The following DACT1 variants were observed in gnomAD, a reference collection of about 807,000 sequenced individuals.
DACT1 encodes dapper homolog 1.
A neutral mutation model predicts 35.3 loss-of-function variants in DACT1; 19 were observed. That is an observed-to-expected ratio of 0.54 (90% confidence interval 0.38 to 0.79). The LOEUF (loss-of-function observed/expected upper bound fraction) is 0.79. DACT1 is among the 30% of genes least tolerant of loss of function. DACT1 has a pLI of 0.00. For missense variants in DACT1, 1,143 were observed against 1,057.5 expected, an observed-to-expected ratio of 1.08 and a Z score of -1.12; for synonymous variants, 545 against 466.7, an observed-to-expected ratio of 1.17 and a Z score of -2.16.
chr14:58,645,802 G>T lies in DACT1; in HGVS notation c.1068G>T (p.Lys356Asn). The T allele has an allele frequency of 6.2e-7, 1 of 1,614,162 alleles. No homozygotes were observed. The highest frequency in any genetic ancestry group is 8.5e-7 in the Non-Finnish European group (1 of 1,179,950). Residue 356 changes from lysine (K) to asparagine (N), a missense_variant, in exon 4 of 4, where the codon AAG (lysine) becomes AAT (asparagine). Physicochemically the swap from Lys to Asn is moderately conservative, Grantham distance 94 (BLOSUM62 0). Transcript: ENST00000395153. ...GVSQGNSVNL[K>N]NSKQACLPSG... ...CACAGGGCAACAGTGTGAACCTTAA[G>T]AATTCGAAACAGGCGTGTCTGCCCT... is the stretch of plus-strand genomic sequence containing the variant.
rs1404579380 is a variant in DACT1 at position 58,645,547 on chromosome 14, A to C, written c.813A>C (p.Gly271=). The change falls in exon 4 of 4, where the codon GGA becomes GGC. Residue 271 remains glycine, a synonymous_variant. Coordinates refer to ENST00000395153, the MANE Select transcript of DACT1 (RefSeq NM_001079520.2). ...ACCATGCCAGTGACATTTGCGGTGGATCTGAGCTAGATGCCGTCAAAACAG... is the reference window on the plus strand; with the variant it reads ...ACCATGCCAGTGACATTTGCGGTGGCTCTGAGCTAGATGCCGTCAAAACAG... ...LGNHASDICG[G]SELDAVKTDS... is the part of the protein sequence containing the mutation. 4.3e-6 allele frequency: 7 copies of C among 1,614,184 alleles called. No individual in the cohort carries two copies. Among genetic ancestry groups the C allele is most frequent in the Non-Finnish European group, 5.9e-6 (7 of 1,180,028 alleles).
chr14:58,636,526 A>G (rs1190208847), upstream of DACT1, among the ~76,000 whole-genome samples: 1 of 152,166 alleles, frequency 6.6e-6, no homozygotes, highest in African/African-American at 2.4e-5. Flanking sequence ...ATAACCATAC[A>G]GGTAGCATGG....
chr14:58,648,100 T>G lies in DACT1; in HGVS notation c.*966T>G, dbSNP rs1257043903. ...AGAAAAAATTTTTGGTAAACAGTAT[T>G]GTGTAAAATTGCTTTTTGTATACCA... On this transcript the variant is annotated 3_prime_UTR_variant, in exon 4 of 4. Transcript: ENST00000395153. The G allele has an allele frequency of 6.0e-6, 1 of 167,080 alleles. No individual in the cohort carries two copies. Among genetic ancestry groups the G allele is most frequent in the East Asian group, 1.9e-4 (1 of 5,206 alleles). The allele number at this position is 167,080 out of a possible 1,614,324, so 10.3% of individuals were successfully genotyped here. A position where few individuals can be genotyped will look rare whatever the true frequency, so the allele number is the denominator to read the frequency against.
At chr14:58,645,110 C>T in intron 3 of DACT1, 1 of 665,110 alleles carries the variant, frequency 1.5e-6, no homozygotes, top group Non-Finnish European at 2.6e-6. Context: ...CATCCAGTAG[C>T]AGTACCTACA....
Position 58,645,351 on chromosome 14 carries a change from C to A in DACT1, c.635-18C>A, listed in dbSNP as rs757645667. 1.2e-6 allele frequency: 2 copies of A among 1,614,206 alleles called. No homozygotes were observed. The highest frequency in any genetic ancestry group is 1.1e-5 in the South Asian group (1 of 91,084). ...TCCCTCTCCACACCACAATTTAATT[C>A]CCTTGATGTCATTGCAGATGTGAAT... On this transcript the variant is annotated intron_variant, in intron 3 of 3. Coordinates refer to ENST00000395153, the MANE Select transcript of DACT1 (RefSeq NM_001079520.2).
Position 58,646,504 on chromosome 14 carries a change from C to T in DACT1, c.1770C>T (p.Ala590=). 1.3e-6 allele frequency: 2 copies of T among 1,560,232 alleles called. No individual in the cohort carries two copies. The highest frequency in any genetic ancestry group is 2.1e-5 in the Admixed American group (1 of 47,304). The change falls in exon 4 of 4, where the codon GCC becomes GCT. Residue 590 remains alanine (A), a synonymous_variant. Transcript: ENST00000395153. The part of the protein sequence containing the change: ...DLDTNKKLKK[A]SSKGRKSGGG... ...ATACAAATAAGAAACTCAAGAAAGC[C>T]TCCTCCAAGGGGAGGAAGAGTGGGG...
intron 2 of DACT1, 38 bp downstream of exon 2, chr14:58,640,906 T>TGAGTTGTATC: frequency 6.2e-7 from 1 of 1,612,202 alleles, no homozygotes; most frequent in Non-Finnish European, 8.5e-7. Context: ...TCTGCACTCT[T>TGAGTTGTATC]GAGTTGTATC....
rs1399599721 is a variant in DACT1, at chr14:58,645,988, G to A, written c.1254G>A (p.Thr418=). 6.2e-7 allele frequency: 1 copy of A among 1,613,790 alleles called. No individual in the cohort carries two copies. The highest frequency in any genetic ancestry group is 1.3e-5 in the African/African-American group (1 of 74,944). ...SDLQSKHLPK[T]AKPASQEHAR... ...TTCAGAGTAAGCACCTGCCAAAAAC[G>A]GCCAAGCCAGCCTCGCAAGAACATG... Residue 418 remains threonine, a synonymous_variant, in exon 4 of 4, where the codon ACG becomes ACA. Transcript: ENST00000395153.
upstream of DACT1, among the ~76,000 whole-genome samples, chr14:58,637,347 A>G (rs1399309219): frequency 6.6e-6 from 1 of 152,276 alleles, no homozygotes; most frequent in Non-Finnish European, 1.5e-5. Flanking sequence ...GACCGACGTT[A>G]AAAAATTAAA....
In DACT1 at chr14:58,641,742, C is replaced by G; in HGVS notation, c.629C>G (p.Ser210Cys). Residue 210 changes from serine (S) to cysteine (C), a missense_variant, in exon 3 of 4, where the codon TCT (serine) becomes TGT (cysteine). By Grantham distance (112) the Ser-to-Cys change is moderately radical. This residue lies in a region of DACT1 where 1,054 missense variants were observed against 958.8 expected (regional missense o/e 1.10). Transcript: ENST00000395153. ...TLSLSDGCPK[S>C]ADVNPKYQCD... ...AGTCTCTCAGATGGTTGCCCCAAATCTGCAGGTAAGAATTTTTAGCACTGA... is the reference window on the plus strand; with the variant it reads ...AGTCTCTCAGATGGTTGCCCCAAATGTGCAGGTAAGAATTTTTAGCACTGA... The G allele has an allele frequency of 6.2e-7, 1 of 1,612,914 alleles. No homozygotes were observed. The highest frequency in any genetic ancestry group is 8.5e-7 in the Non-Finnish European group (1 of 1,179,756).
Position 58,641,717 on chromosome 14 carries a change from A to G in DACT1, c.604A>G (p.Ser202Gly). Residue 202 changes from serine (S) to glycine (G), a missense_variant, in exon 3 of 4, where the codon AGT (serine) becomes GGT (glycine). Ser to Gly is a moderately conservative substitution (Grantham distance 56). This residue lies in a region of DACT1 where 1,054 missense variants were observed against 958.8 expected (regional missense o/e 1.10). Transcript: ENST00000395153. ...CFCSPLEATL[S>G]LSDGCPKSAD... Reference sequence around the variant, plus strand: ...TTGCAGCCCCTTGGAGGCGACCTTGAGTCTCTCAGATGGTTGCCCCAAATC... The same window carrying G: ...TTGCAGCCCCTTGGAGGCGACCTTGGGTCTCTCAGATGGTTGCCCCAAATC... The G allele has an allele frequency of 1.2e-6, 2 of 1,614,154 alleles. No individual in the cohort carries two copies. The highest frequency in any genetic ancestry group is 1.7e-6 in the Non-Finnish European group (2 of 1,180,026).
chr14:58,638,858 C>G, intron 1 of DACT1: 1 of 1,093,176 alleles, frequency 9.1e-7, no homozygotes, highest in Non-Finnish European at 1.1e-6. Context: ...TTCTAACGTT[C>G]GGTCTCCTTA....
chr14:58,641,469 A>C, intron 2 of DACT1, 123 bp from the exon 3 acceptor site: 1 of 1,126,652 alleles, frequency 8.9e-7, no homozygotes. Context: ...CCAATGAATC[A>C]AAATTGGCCA....
chr14:58,639,094 C>G (rs1164599003), intron 1 of DACT1: 13 of 985,422 alleles, frequency 1.3e-5, no homozygotes, highest in Non-Finnish European at 1.4e-5. Context: ...TGCCAGCTTT[C>G]ACCCAGGCTG....
Position 58,645,678 on chromosome 14 carries a change from C to T in DACT1, c.944C>T (p.Pro315Leu). The change falls in exon 4 of 4, where the codon CCT becomes CTT. Residue 315 changes from proline to leucine, a missense_variant. Around this residue, in one of 3 missense-constraint regions of DACT1, gnomAD observed 1,054 missense variants for 958.8 expected, o/e 1.10. Transcript: ENST00000395153. ...ILSLVQKKTH[P>L]VRTNKPRTSV... ...AGCCTGGTCCAGAAAAAAACACACCCTGTAAGGACCAACAAACCAAGAACC... is the reference window on the plus strand; with the variant it reads ...AGCCTGGTCCAGAAAAAAACACACCTTGTAAGGACCAACAAACCAAGAACC... 6.2e-7 allele frequency: 1 copy of T among 1,614,212 alleles called. No homozygotes were observed. The highest frequency in any genetic ancestry group is 8.5e-7 in the Non-Finnish European group (1 of 1,180,046).
intron 1 of DACT1, chr14:58,639,043 G>A (rs752201998): frequency 3.1e-4 from 306 of 985,256 alleles, no homozygotes; most frequent in Non-Finnish European, 3.7e-4. Flanking sequence ...ACACTGGAGC[G>A]CCTGTAGGGA....
intron 3 of DACT1, among the ~76,000 whole-genome samples, chr14:58,642,379 C>T (rs1054154275): frequency 5.3e-5 from 8 of 151,838 alleles, no homozygotes; most frequent in African/African-American, 9.7e-5. Context: ...CCCAGCTACT[C>T]GGGAGGCTGA....
In DACT1 at chr14:58,646,619, G is replaced by A. The variant is rs1478718458; in HGVS notation, c.1885G>A (p.Val629Met). The A allele has an allele frequency of 1.2e-6, 2 of 1,607,116 alleles. No homozygotes were observed. The highest frequency in any genetic ancestry group is 1.7e-6 in the Non-Finnish European group (2 of 1,177,058). Residue 629 changes from valine to methionine, a missense_variant, in exon 4 of 4, where the codon GTG becomes ATG. By Grantham distance (21) the Val-to-Met change is conservative. Coordinates refer to ENST00000395153, the MANE Select transcript of DACT1 (RefSeq NM_001079520.2). The part of the protein sequence containing the change: ...RAHGHGREAV[V>M]AKPKHKRTDY... ...GCATGGCCACGGACGGGAGGCGGTGGTGGCCAAACCTAAGCACAAGCGAAC... is the reference window on the plus strand; with the variant it reads ...GCATGGCCACGGACGGGAGGCGGTGATGGCCAAACCTAAGCACAAGCGAAC...
At position 58,643,064 on chromosome 14, in the gene DACT1, A is replaced by G. The variant is rs1057459065; in HGVS notation, c.634+1317A>G. The stretch of plus-strand genomic sequence containing the variant: ...AAAAAATGAGTCCTAGTAAGGTTAC[A>G]TATGTTATTTAAGGCTCTATAGATG... On this transcript the variant is annotated intron_variant, in intron 3 of 3. Transcript: ENST00000395153. Among the ~76,000 whole-genome samples, 45 of 152,296 alleles carry G rather than the reference A, an allele frequency of 3.0e-4. 1 individual carries two copies. Among genetic ancestry groups the G allele is most frequent in the African/African-American group, 1.1e-3 (45 of 41,558 alleles).
Sources: gnomAD v4.1 joint callset for allele counts (sites outside exome capture counted in the v4.1 genomes callset) on GRCh38, gnomAD v4.1.1 for gene constraint, gnomAD v4.1.1 regional missense constraint, MANE v1.5 for transcripts, NCBI Gene and HGNC (gene_info 2026-07-23, HGNC 2026-07-21) for gene names.